Variants in MALRD1 observed in about 807,000 individuals in gnomAD.
The protein encoded by MALRD1 is MAM and LDL-receptor class A domain-containing protein 1.
Under a neutral mutation model 242.1 loss-of-function variants are expected in MALRD1, and 247 were observed. The ratio of observed to expected loss-of-function variants is 1.02; its 90% CI spans 0.92 to 1.13. The LOEUF (loss-of-function observed/expected upper bound fraction) is 1.13. Ranked by LOEUF, MALRD1 falls within the 50% of genes most tolerant of loss-of-function variation. The pLI is 0.00. For synonymous variants in MALRD1, 995 were observed against 866.6 expected (o/e 1.15, Z -2.60); for missense variants, 2,989 against 2,533.1 (o/e 1.18, Z -3.86).
chr10:19,692,640 C>T lies in MALRD1; in HGVS notation c.6314+86C>T, dbSNP rs2131824398. 3.8e-6 allele frequency: 4 copies of T among 1,039,158 alleles called. No homozygotes were observed. The East Asian group carries it at 7.9e-5, about 21-fold the overall frequency. The allele number at this position is 1,039,158 out of a possible 1,614,324, so 64.4% of individuals were successfully genotyped here. A position where few individuals can be genotyped will look rare whatever the true frequency, so the allele number is the denominator to read the frequency against. On this transcript the variant is annotated intron_variant, in intron 38 of 39. Transcript: ENST00000454679. The stretch of plus-strand genomic sequence containing the variant: ...TTTCCTTTGCTATTTTTTTCTTTCA[C>T]TCCATATTACATGCAGGAAACTTTA...
At chr10:19,658,480 T>C (rs1841277030) in intron 36 of MALRD1, among the ~76,000 whole-genome samples, 1 of 151,920 alleles carries the variant, frequency 6.6e-6, no homozygotes, top group Admixed American at 6.6e-5. Flanking sequence ...AGTCTAGTGG[T>C]TAGGAAAACA....
intron 38 of MALRD1, among the ~76,000 whole-genome samples, chr10:19,727,061 A>G (rs1281670907): frequency 1.3e-5 from 2 of 152,226 alleles, no homozygotes; most frequent in Non-Finnish European, 2.9e-5. Flanking sequence ...ATTGAATTGT[A>G]TACTTGAAAT....
intron 29 of MALRD1, among the ~76,000 whole-genome samples, chr10:19,482,684 C>CAA (rs1301313254): frequency 6.6e-5 from 10 of 151,246 alleles, no homozygotes; most frequent in Non-Finnish European, 1.3e-4. Flanking sequence ...CACACACACA[C>CAA]ACACACATAC....
At position 19,088,015 on chromosome 10, in the gene MALRD1, C is replaced by G; in HGVS notation, c.436-9C>G. On this transcript the variant is annotated splice_polypyrimidine_tract_variant and intron_variant, in intron 3 of 39. Transcript: ENST00000454679. The stretch of plus-strand genomic sequence containing the variant: ...TCATAATTGTTTGGGTACTAATTGT[C>G]TTTCACAGATTACATTTTATTACTT... 2.4e-6 allele frequency: 3 copies of G among 1,233,384 alleles called. No individual in the cohort carries two copies. In the East Asian group the frequency reaches 9.5e-5, roughly 39 times the overall value. 76.4% of individuals were successfully genotyped at this position (1,233,384 alleles called of 1,614,324 possible).
intron 11 of MALRD1, among the ~76,000 whole-genome samples, chr10:19,152,269 G>T (rs1268123498): frequency 1.3e-5 from 2 of 152,218 alleles, no homozygotes; most frequent in East Asian, 3.9e-4. Flanking sequence ...GATAAATCAA[G>T]GGACGTGTTC....
At chr10:19,229,389 G>A (rs1413626426) in intron 18 of MALRD1, among the ~76,000 whole-genome samples, 2 of 151,946 alleles carry the variant, frequency 1.3e-5, no homozygotes, top group Non-Finnish European at 2.9e-5. Flanking sequence ...ACCAATATTT[G>A]ATTACGTAGG....
At chr10:19,134,164 G>C (rs775660311) in intron 9 of MALRD1, among the ~76,000 whole-genome samples, 1 of 152,142 alleles carries the variant, frequency 6.6e-6, no homozygotes, top group South Asian at 2.1e-4. Flanking sequence ...CTCCACTCTC[G>C]TTCACAGCTT....
intron 22 of MALRD1, among the ~76,000 whole-genome samples, chr10:19,325,165 A>G (rs1019369815): frequency 4.0e-5 from 6 of 151,650 alleles, no homozygotes; most frequent in Non-Finnish European, 8.8e-5. Flanking sequence ...ACTGTTTTAT[A>G]TCAATGTGGA....
At chr10:19,449,796 G>T (rs1835219602) in intron 28 of MALRD1, among the ~76,000 whole-genome samples, 1 of 152,100 alleles carries the variant, frequency 6.6e-6, no homozygotes, top group South Asian at 2.1e-4. Flanking sequence ...ACAGGAGTTT[G>T]CCTGTATAGC....
chr10:19,167,581 A>C (rs1250778768), intron 13 of MALRD1, among the ~76,000 whole-genome samples: 1 of 152,132 alleles, frequency 6.6e-6, no homozygotes, highest in Non-Finnish European at 1.5e-5. Context: ...ATAATGCTTG[A>C]TCTTAGAATA....
intron 29 of MALRD1, among the ~76,000 whole-genome samples, chr10:19,473,572 G>A (rs997845): frequency 0.86 from 131,103 of 152,096 alleles, 56,668 homozygotes; most frequent in East Asian, 1. Flanking sequence ...GAATCATACA[G>A]TATTTGCCCA....
At chr10:19,495,284 T>G (rs1240912489) in intron 30 of MALRD1, among the ~76,000 whole-genome samples, 3 of 151,818 alleles carry the variant, frequency 2.0e-5, no homozygotes, top group African/African-American at 7.3e-5. Context: ...GCCATAATAA[T>G]CACATTTCCC....
At chr10:19,069,205 A>T (rs984318766) in intron 2 of MALRD1, among the ~76,000 whole-genome samples, 1 of 152,042 alleles carries the variant, frequency 6.6e-6, no homozygotes, top group African/African-American at 2.4e-5. Context: ...ACAGATTATT[A>T]TTTCCTAATT....
At chr10:19,677,036 T>C (rs543696796) in intron 36 of MALRD1, among the ~76,000 whole-genome samples, 3 of 152,336 alleles carry the variant, frequency 2.0e-5, no homozygotes, top group South Asian at 4.1e-4. Flanking sequence ...ATGGTGTATA[T>C]GTACCACATT....
At chr10:19,075,813 T>A (rs1835299582) in intron 2 of MALRD1, among the ~76,000 whole-genome samples, 2 of 152,098 alleles carry the variant, frequency 1.3e-5, no homozygotes. Context: ...TGTGTTGTTT[T>A]AAGCCACTAG....
At chr10:19,590,540 C>T (rs1468820672) in intron 33 of MALRD1, among the ~76,000 whole-genome samples, 1 of 151,716 alleles carries the variant, frequency 6.6e-6, no homozygotes, top group Non-Finnish European at 1.5e-5. Context: ...TCCCAGGGAA[C>T]CTGGCTTATA....
chr10:19,476,385 C>T (rs950272299), intron 29 of MALRD1, among the ~76,000 whole-genome samples: 1 of 152,106 alleles, frequency 6.6e-6, no homozygotes, highest in Admixed American at 6.5e-5. Flanking sequence ...TTTGAGGGCT[C>T]TTTTCTGTCC....
chr10:19,501,045 A>G (rs570243510), intron 31 of MALRD1, among the ~76,000 whole-genome samples: 150 of 152,332 alleles, frequency 9.8e-4, no homozygotes, highest in Non-Finnish European at 1.7e-3. Flanking sequence ...GCCAGTAGAT[A>G]GGTATGTGCC....
At position 19,352,189 on chromosome 10, in the gene MALRD1, G is replaced by C; in HGVS notation, c.4333G>C (p.Gly1445Arg). 1 of 1,550,478 alleles carries C rather than the reference G, an allele frequency of 6.4e-7. No individual in the cohort carries two copies. The highest frequency in any genetic ancestry group is 8.7e-7 in the Non-Finnish European group (1 of 1,146,922). ...CCAACTCAAATTTGAAGGTAGAGTT[G>C]GGAAAGGTCAGCGTGGAGACATTGC... ...DFQLKFEGRV[G>R]KGQRGDIALD... Residue 1445 changes from glycine (G) to arginine (R), a missense_variant, in exon 26 of 40, where the codon GGG becomes CGG. Gly to Arg is a moderately radical substitution (Grantham distance 125). Coordinates refer to ENST00000454679, the MANE Select transcript of MALRD1 (RefSeq NM_001142308.3).
Sources: allele counts gnomAD v4.1 joint callset (sites outside exome capture counted in the v4.1 genomes callset), GRCh38; gene constraint gnomAD v4.1.1; transcripts MANE v1.5; gene names NCBI Gene and HGNC (gene_info 2026-07-23, HGNC 2026-07-21).